CERKL: variants seen among roughly 807,000 people sequenced by gnomAD.
CERKL encodes ceramide kinase-like protein.
CERKL carries 61 observed loss-of-function variants against 63.4 expected under a neutral mutation model. The ratio of observed to expected loss-of-function variants is 0.96; its 90% CI spans 0.78 to 1.19. The LOEUF is 1.19. CERKL is among the 50% of genes most tolerant of loss of function. CERKL has a pLI of 0.00. For missense variants in CERKL, 675 were observed against 655.5 expected, an observed-to-expected ratio of 1.03 and a Z score of -0.33; for synonymous variants, 250 against 230.5, an observed-to-expected ratio of 1.08 and a Z score of -0.77.
chr2:181,637,738 G>A (rs2218225), intron 1 of CERKL, among the ~76,000 whole-genome samples: 101,757 of 151,936 alleles, frequency 0.67, 34,570 homozygotes, highest in East Asian at 0.92. Flanking sequence ...AGTATTTCAC[G>A]TAATTATAAA....
In CERKL at chr2:181,548,731, G is replaced by A; in HGVS notation, c.1022C>T (p.Ser341Phe). 6.2e-7 allele frequency: 1 copy of A among 1,614,000 alleles called. No individual in the cohort carries two copies. ...LALAEKYRWM[S>F]PNQRRDFAVV... ...AGCAAAATCTCTCCGTTGGTTAGGGGACATCCATCGATATTTTTCTGCCAG... is the reference window on the plus strand; with the variant it reads ...AGCAAAATCTCTCCGTTGGTTAGGGAACATCCATCGATATTTTTCTGCCAG... The change falls in exon 7 of 13, where the codon TCC becomes TTC. Residue 341 changes from serine to phenylalanine, a missense_variant. By Grantham distance (155) the Ser-to-Phe change is radical (BLOSUM62 -2). Transcript: ENST00000410087.
chr2:181,650,050 A>G (rs1016573469), intron 1 of CERKL: 1 of 129,652 alleles, frequency 7.7e-6, no homozygotes, highest in Non-Finnish European at 1.6e-5. Context: ...GTGCCTCTGC[A>G]CTTGGGCCTG....
chr2:181,563,189 G>A (rs1688519301), intron 4 of CERKL, among the ~76,000 whole-genome samples: 1 of 151,984 alleles, frequency 6.6e-6, no homozygotes, highest in Admixed American at 6.6e-5. Context: ...AGAATCTGAA[G>A]CTCTCATAAG....
chr2:181,547,097 C>T lies in CERKL; in HGVS notation c.1268+521G>A, dbSNP rs1372364172. On this transcript the variant is annotated intron_variant, in intron 10 of 12. Transcript: ENST00000410087. ...CCGCCATGTGAGATGTGACTTTCAT[C>T]TTCCACCATGATTGTGGAGCCTCCC... Among the ~76,000 whole-genome samples, 3 of 152,196 alleles carry T rather than the reference C, an allele frequency of 2.0e-5. No homozygotes were observed. In the East Asian group the frequency reaches 5.8e-4, roughly 29 times the overall value.
chr2:181,650,194 T>G (rs1278303036), intron 1 of CERKL: 1 of 146,666 alleles, frequency 6.8e-6, no homozygotes, highest in East Asian at 2.0e-4. Context: ...AGAAATAAAC[T>G]AGAAATCAAC....
rs140101109 is a variant in CERKL, at chr2:181,633,983, C to T, written c.238+22786G>A. ...AGGACCAATAGACAGAAATTTTCAA[C>T]TTAAGATTTTGGAACCTAAAGGATC... On this transcript the variant is annotated intron_variant, in intron 1 of 12. Transcript: ENST00000410087. Among the ~76,000 whole-genome samples the T allele has an allele frequency of 2.7e-3, 406 of 152,204 alleles. 2 individuals carry two copies. The highest frequency in any genetic ancestry group is 9.1e-3 in the African/African-American group (377 of 41,550).
intron 1 of CERKL, among the ~76,000 whole-genome samples, chr2:181,647,339 G>C (rs1161536002): frequency 6.6e-6 from 1 of 152,144 alleles, no homozygotes. Flanking sequence ...TAGAAGAAAA[G>C]CTGGAAAATC....
At chr2:181,577,126 C>T (rs1285344605) in intron 2 of CERKL, among the ~76,000 whole-genome samples, 1 of 152,108 alleles carries the variant, frequency 6.6e-6, no homozygotes, top group Non-Finnish European at 1.5e-5. Flanking sequence ...TGCAAAGGGG[C>T]CACATTTTGA....
chr2:181,602,676 A>C (rs1197246498), intron 2 of CERKL, among the ~76,000 whole-genome samples: 1 of 152,182 alleles, frequency 6.6e-6, no homozygotes. Flanking sequence ...CCTTTGATCA[A>C]CTTGGGTCCT....
Position 181,537,211 on chromosome 2 carries a change from GAACTGTC to G in CERKL, c.*966_*972del, listed in dbSNP as rs1429247536. Reference sequence around the variant, plus strand: ...AGATGAAAAATCAAGCCCCGATTTAGAACTGTCTTCTCCAGGATGGTCTCTAAGGAAA... The same window carrying G: ...AGATGAAAAATCAAGCCCCGATTTAGTTCTCCAGGATGGTCTCTAAGGAAA... On this transcript the variant is annotated 3_prime_UTR_variant, in exon 13 of 13. Coordinates refer to ENST00000410087, the MANE Select transcript of CERKL (RefSeq NM_201548.5). 7.3e-5 allele frequency: 33 copies of G among 452,946 alleles called. No homozygotes were observed. Among genetic ancestry groups the G allele is most frequent in the African/African-American group, 6.0e-4 (30 of 49,942 alleles). The allele number at this position is 452,946 out of a possible 1,614,324, so 28.1% of individuals were successfully genotyped here.
chr2:181,558,663 A>G lies in CERKL; in HGVS notation c.723T>C (p.His241=). The change falls in exon 5 of 13, where the codon CAT becomes CAC. Residue 241 remains histidine, a synonymous_variant. Transcript: ENST00000410087. This position sits in a 1 kb window ranked among gnomAD's most constrained non-coding sequence, Gnocchi z 4.2. ...GGDGSASEVA[H]ALLLRAQKNA... ...TCTTCTGAGCTCTCAGAAGCAAAGC[A>G]TGGGCTACTTCGCTAGCAGATCCAT... 2 of 1,613,728 alleles carry G rather than the reference A, an allele frequency of 1.2e-6. No homozygotes were observed. The highest frequency in any genetic ancestry group is 1.7e-6 in the Non-Finnish European group (2 of 1,179,798).
chr2:181,548,001 A>G (rs1460932667), intron 8 of CERKL, 154 bp from the exon 9 acceptor site: 4 of 708,022 alleles, frequency 5.6e-6, no homozygotes, highest in Non-Finnish European at 9.4e-6. Flanking sequence ...AAAAACGTAC[A>G]ATTTTGTTGC....
chr2:181,650,746 C>T (rs1003203946), intron 1 of CERKL, among the ~76,000 whole-genome samples: 3 of 148,330 alleles, frequency 2.0e-5, no homozygotes, highest in Admixed American at 1.4e-4. Context: ...GCAACAAGAG[C>T]GAAACTCCAT....
intron 3 of CERKL, among the ~76,000 whole-genome samples, chr2:181,569,025 C>T (rs370667011): frequency 6.6e-6 from 1 of 152,062 alleles, no homozygotes; most frequent in Non-Finnish European, 1.5e-5. Context: ...CTACAATAGC[C>T]TTTTATCTTG....
At chr2:181,579,795 T>C (rs1684420169) in intron 2 of CERKL, among the ~76,000 whole-genome samples, 1 of 151,954 alleles carries the variant, frequency 6.6e-6, no homozygotes, top group Non-Finnish European at 1.5e-5. Flanking sequence ...ACTTTCATTT[T>C]TTCCAGATGG....
intron 1 of CERKL, among the ~76,000 whole-genome samples, chr2:181,627,125 T>A (rs1346847834): frequency 1.3e-5 from 2 of 152,224 alleles, no homozygotes; most frequent in Non-Finnish European, 2.9e-5. Context: ...CCAAGTGTTT[T>A]CTGACCTAAA....
chr2:181,539,675 G>A (rs1406446646), intron 11 of CERKL, among the ~76,000 whole-genome samples: 1 of 152,158 alleles, frequency 6.6e-6, no homozygotes, highest in Non-Finnish European at 1.5e-5. Flanking sequence ...TAATTTGGAA[G>A]AACGCAAGTC....
intron 1 of CERKL, among the ~76,000 whole-genome samples, chr2:181,627,944 G>T (rs932207754): frequency 6.6e-6 from 1 of 152,180 alleles, no homozygotes; most frequent in Admixed American, 6.5e-5. Flanking sequence ...CTAGGTGATA[G>T]CACATTTATA....
chr2:181,547,589 T>C, intron 10 of CERKL, 29 bp downstream of exon 10: 1 of 1,574,140 alleles, frequency 6.4e-7, no homozygotes, highest in Non-Finnish European at 8.7e-7. Flanking sequence ...AAGAAATGTA[T>C]CAACAATTCA....
Sources: gnomAD v4.1 joint callset for allele counts (sites outside exome capture counted in the v4.1 genomes callset) on GRCh38, gnomAD v4.1.1 for gene constraint, Gnocchi (gnomAD v3.1) non-coding constraint, MANE v1.5 for transcripts, NCBI Gene and HGNC (gene_info 2026-07-23, HGNC 2026-07-21) for gene names.